Variants in LTN1 observed in about 807,000 individuals in gnomAD.
LTN1 encodes listerin E3 ubiquitin protein ligase 1, also known as E3 ubiquitin-protein ligase listerin.
Under a neutral mutation model 201.2 loss-of-function variants are expected in LTN1, and 88 were observed. The ratio of observed to expected loss-of-function variants is 0.44; its 90% CI spans 0.37 to 0.52. LTN1 has a LOEUF of 0.52. LTN1 is among the 20% of genes least tolerant of loss of function. The probability of loss-of-function intolerance (pLI) is 0.00; values close to 1 mark genes in which losing one functional copy is unlikely to be tolerated. For synonymous variants in LTN1, 645 were observed against 713.5 expected (o/e 0.90, Z 1.53); for missense variants, 1,752 against 2,038.7 (o/e 0.86, Z 2.71).
Position 28,959,689 on chromosome 21 carries a change from T to C in LTN1, c.2362A>G (p.Ile788Val). 6.3e-7 allele frequency: 1 copy of C among 1,599,212 alleles called. No individual in the cohort carries two copies. Among genetic ancestry groups the C allele is most frequent in the Non-Finnish European group, 8.5e-7 (1 of 1,174,004 alleles). The change falls in exon 13 of 30, where the codon ATT becomes GTT. Residue 788 changes from isoleucine (I) to valine (V), a missense_variant. Physicochemically the swap from Ile to Val is conservative, Grantham distance 29. Around this residue, in one of 3 missense-constraint regions of LTN1, gnomAD observed 1,211 missense variants for 1,312.8 expected, o/e 0.92. Coordinates refer to ENST00000361371, the MANE Select transcript of LTN1 (RefSeq NM_015565.3). ...ATTCTTTCAACATATACGTCTCCAA[T>C]CAAGTAATCTGGAGAAAAAAAGGTT... is the stretch of plus-strand genomic sequence containing the variant. ...LSQHVKNDYL[I>V]GDVYVERIIV... is the part of the protein sequence containing the mutation.
intron 23 of LTN1, among the ~76,000 whole-genome samples, 157 bp from the exon 24 acceptor site, chr21:28,943,493 T>C (rs559334017): frequency 6.6e-6 from 1 of 152,290 alleles, no homozygotes; most frequent in South Asian, 2.1e-4. Flanking sequence ...GAAATATAAA[T>C]TGTGTATAGA....
In LTN1 at chr21:28,981,306, A is replaced by G; in HGVS notation, c.630-7T>C. 7.1e-7 allele frequency: 1 copy of G among 1,408,094 alleles called. No individual in the cohort carries two copies. The highest frequency in any genetic ancestry group is 1.7e-5 in the South Asian group (1 of 57,930). 87.2% of individuals were successfully genotyped at this position (1,408,094 alleles called of 1,614,324 possible). ...TTCTTCCTCTGGAACAGTTCTTGAT[A>G]TAAAACAAAATAAATATATTTAAAA... On this transcript the variant is annotated splice_region_variant and splice_polypyrimidine_tract_variant and intron_variant, in intron 5 of 29. Transcript: ENST00000361371.
Position 28,928,835 on chromosome 21 carries a change from A to T in LTN1, c.*1613T>A, listed in dbSNP as rs1263680918. On this transcript the variant is annotated 3_prime_UTR_variant, in exon 30 of 30. Coordinates refer to ENST00000361371, the MANE Select transcript of LTN1 (RefSeq NM_015565.3). ...TACCAATACTGGAAAGGTTTTAAAC[A>T]GTCTTATTATAAAACCATTTTTAAA... The T allele has an allele frequency of 6.6e-6, 1 of 152,510 alleles. No individual in the cohort carries two copies. The highest frequency in any genetic ancestry group is 2.4e-5 in the African/African-American group (1 of 41,452). The allele number at this position is 152,510 out of a possible 1,614,324, so 9.4% of individuals were successfully genotyped here.
rs373164418 is a variant in LTN1 at position 28,985,144 on chromosome 21, T to C, written c.346-222A>G. 1.4e-4 allele frequency among the ~76,000 whole-genome samples: 21 copies of C among 152,326 alleles called. No homozygotes were observed. In the East Asian group the frequency reaches 4.1e-3, roughly 29 times the overall value. On this transcript the variant is annotated intron_variant, in intron 3 of 29. Transcript: ENST00000361371. The stretch of plus-strand genomic sequence containing the variant: ...CTCCCCTTCTCCCAATGAGATAGGA[T>C]TGTATTCAAGACAGATTCAAAGTTG...
chr21:28,981,302 T>TCAA lies in LTN1; in HGVS notation c.630-4_630-3insTTG. 1 of 1,474,350 alleles carries TCAA rather than the reference T, an allele frequency of 6.8e-7. No individual in the cohort carries two copies. The highest frequency in any genetic ancestry group is 9.0e-7 in the Non-Finnish European group (1 of 1,111,726). 91.3% of individuals were successfully genotyped at this position (1,474,350 alleles called of 1,614,324 possible). The stretch of plus-strand genomic sequence containing the variant: ...CTCTTTCTTCCTCTGGAACAGTTCT[T>TCAA]GATATAAAACAAAATAAATATATTT... On this transcript the variant is annotated splice_polypyrimidine_tract_variant and splice_region_variant and intron_variant, in intron 5 of 29. Transcript: ENST00000361371.
Position 28,941,415 on chromosome 21 carries a change from C to A in LTN1, c.4296-9G>T. ...GTGCTGCTGGTGGTGACCTAAGAAT[C>A]AATGATTAAACACCACAAGTTTTCT... On this transcript the variant is annotated splice_polypyrimidine_tract_variant and intron_variant, in intron 24 of 29. Coordinates refer to ENST00000361371, the MANE Select transcript of LTN1 (RefSeq NM_015565.3). 1 of 1,590,576 alleles carries A rather than the reference C, an allele frequency of 6.3e-7. No individual in the cohort carries two copies. Among genetic ancestry groups the A allele is most frequent in the South Asian group, 1.1e-5 (1 of 87,298 alleles).
intron 1 of LTN1, 70 bp from the exon 2 acceptor site, chr21:28,987,004 T>C: frequency 2.0e-6 from 2 of 995,842 alleles, no homozygotes; most frequent in Non-Finnish European, 3.1e-6. Context: ...TATAATTCCT[T>C]GGCTATTCCC....
At position 28,933,770 on chromosome 21, in the gene LTN1, G is replaced by T. The variant is rs546524725; in HGVS notation, c.4876-1106C>A. On this transcript the variant is annotated intron_variant, in intron 27 of 29. Coordinates refer to ENST00000361371, the MANE Select transcript of LTN1 (RefSeq NM_015565.3). ...CGGCTCACCACAACCTCCGCCTCCC[G>T]GGTTCAAAAAATTCTCCTACCTCAG... 1.9e-3 allele frequency among the ~76,000 whole-genome samples: 288 copies of T among 150,412 alleles called. 3 individuals carry two copies. The highest frequency in any genetic ancestry group is 6.9e-3 in the African/African-American group (281 of 40,870).
intron 26 of LTN1, among the ~76,000 whole-genome samples, chr21:28,935,824 A>T (rs1001419316): frequency 7.6e-5 from 11 of 145,272 alleles, no homozygotes; most frequent in African/African-American, 2.8e-4. Flanking sequence ...TGGGCGACAG[A>T]GCGAGACTCC....
chr21:28,992,835 TCA>T lies in LTN1; in HGVS notation c.-32_-31del. On this transcript the variant is annotated 5_prime_UTR_variant, in exon 1 of 30. Transcript: ENST00000361371. The stretch of plus-strand genomic sequence containing the variant: ...GCGGTTGCAGCTGTACTCTGAGCAC[TCA>T]GACCCCGGTTGACACGTCCGGGACA... The T allele has an allele frequency of 6.2e-7, 1 of 1,614,180 alleles. No homozygotes were observed. Among genetic ancestry groups the T allele is most frequent in the Non-Finnish European group, 8.5e-7 (1 of 1,180,026 alleles).
intron 1 of LTN1, among the ~76,000 whole-genome samples, chr21:28,989,613 C>G (rs920943566): frequency 7.9e-5 from 12 of 152,064 alleles, no homozygotes; most frequent in African/African-American, 2.9e-4. Flanking sequence ...CAACTTTTCC[C>G]AGTCTTATCT....
Position 28,966,643 on chromosome 21 carries a change from A to C in LTN1, c.1848T>G (p.Phe616Leu). The C allele has an allele frequency of 1.2e-6, 2 of 1,614,086 alleles. No homozygotes were observed. The highest frequency in any genetic ancestry group is 1.7e-6 in the Non-Finnish European group (2 of 1,180,016). Residue 616 changes from phenylalanine (F) to leucine (L), a missense_variant, in exon 10 of 30, where the codon TTT (phenylalanine) becomes TTG (leucine). Phe to Leu is a conservative substitution (Grantham distance 22). This residue lies in a region of LTN1 where 1,211 missense variants were observed against 1,312.8 expected (regional missense o/e 0.92). Transcript: ENST00000361371. ...AAAAGGAGTCAAGCAGAGTAGAAAGAAACCTTAGATGTTGCTCTGACTTTC... is the reference window on the plus strand; with the variant it reads ...AAAAGGAGTCAAGCAGAGTAGAAAGCAACCTTAGATGTTGCTCTGACTTTC... ...NERKSEQHLR[F>L]LSTLLDSFSS... is the part of the protein sequence containing the mutation.
intron 19 of LTN1, 79 bp from the exon 20 acceptor site, chr21:28,946,366 A>T: frequency 1.1e-6 from 1 of 906,484 alleles, no homozygotes; most frequent in Non-Finnish European, 1.6e-6. Context: ...CACTTTGAGA[A>T]GTAAAAGACT....
intron 25 of LTN1, among the ~76,000 whole-genome samples, chr21:28,938,274 T>C (rs1256834581): frequency 2.0e-5 from 3 of 152,192 alleles, no homozygotes; most frequent in Non-Finnish European, 4.4e-5. Flanking sequence ...GTCCGTGATC[T>C]TAGGAGATAT....
Position 28,959,632 on chromosome 21 carries a change from T to C in LTN1, c.2419A>G (p.Thr807Ala), listed in dbSNP as rs750788908. Residue 807 changes from threonine (T) to alanine (A), a missense_variant, in exon 13 of 30, where the codon ACA becomes GCA. Thr to Ala is a moderately conservative substitution (Grantham distance 58). Coordinates refer to ENST00000361371, the MANE Select transcript of LTN1 (RefSeq NM_015565.3). Reference sequence around the variant, plus strand: ...CTTTCAGCTTCTGATAATTTCTTTGTTTTGAATAAAGTTTCATGAAGTCTA... The same window carrying C: ...CTTTCAGCTTCTGATAATTTCTTTGCTTTGAATAAAGTTTCATGAAGTCTA... ...IVRLHETLFK[T>A]KKLSEAESSD... 2.9e-5 allele frequency: 47 copies of C among 1,613,910 alleles called. No homozygotes were observed. The South Asian group carries it at 3.7e-4, about 13-fold the overall frequency.
intron 25 of LTN1, among the ~76,000 whole-genome samples, chr21:28,939,480 GTTTT>G (rs1343633989): frequency 6.6e-6 from 1 of 152,100 alleles, no homozygotes; most frequent in South Asian, 2.1e-4. Flanking sequence ...TGATTTGCTA[GTTTT>G]TTTGAGAAAA....
chr21:28,959,723 C>T (rs770593044), intron 12 of LTN1, 26 bp from the exon 13 acceptor site: 1 of 1,527,918 alleles, frequency 6.5e-7, no homozygotes, highest in Non-Finnish European at 8.8e-7. Context: ...TTCAAACAGA[C>T]AAAAAATAAA....
At chr21:28,947,067 A>G (rs2146271749) in intron 19 of LTN1, among the ~76,000 whole-genome samples, 1 of 152,336 alleles carries the variant, frequency 6.6e-6, no homozygotes, top group South Asian at 2.1e-4. Flanking sequence ...TGTCTTCTCT[A>G]CAATAGGAAC....
chr21:28,961,698 C>T (rs2084480657), intron 11 of LTN1, among the ~76,000 whole-genome samples: 3 of 152,208 alleles, frequency 2.0e-5, no homozygotes, highest in Admixed American at 2.0e-4. Context: ...GGCCTATCTC[C>T]TAATTTGAAA....
Sources: gnomAD v4.1 joint callset for allele counts (sites outside exome capture counted in the v4.1 genomes callset) on GRCh38, gnomAD v4.1.1 for gene constraint, gnomAD v4.1.1 regional missense constraint, MANE v1.5 for transcripts, NCBI Gene and HGNC (gene_info 2026-07-23, HGNC 2026-07-21) for gene names.